ARSB: variants seen among roughly 807,000 people sequenced by gnomAD.
ARSB encodes the protein arylsulfatase B.
In ARSB, 41 loss-of-function variants were observed where a neutral mutation model predicts 50.9. The ratio of observed to expected loss-of-function variants is 0.81; its 90% CI spans 0.63 to 1.04. ARSB has a LOEUF of 1.04. Ranked by LOEUF, ARSB falls within the 50% of genes least tolerant of loss-of-function variation. The probability of loss-of-function intolerance (pLI) is 0.00; values close to 1 mark genes in which losing one functional copy is unlikely to be tolerated. For synonymous variants in ARSB, 269 were observed against 284.8 expected (o/e 0.94, Z 0.56); for missense variants, 672 against 693.3 (o/e 0.97, Z 0.35).
chr5:78,910,006 T>C (rs1749235834), intron 4 of ARSB, among the ~76,000 whole-genome samples: 1 of 152,224 alleles, frequency 6.6e-6, no homozygotes, highest in African/African-American at 2.4e-5. Context: ...TCCACTGAGA[T>C]GTTTGGGTGG....
chr5:78,815,883 G>A, intron 6 of ARSB: 1 of 1,418,682 alleles, frequency 7.0e-7, no homozygotes, highest in African/African-American at 1.5e-5. Flanking sequence ...GGTAGTTTAT[G>A]GTTGATCTAA....
intron 5 of ARSB, among the ~76,000 whole-genome samples, chr5:78,877,996 A>G (rs1490806192): frequency 6.6e-6 from 1 of 152,226 alleles, no homozygotes; most frequent in African/African-American, 2.4e-5. Flanking sequence ...ACATTGCATG[A>G]AATTGATGAA....
intron 6 of ARSB, among the ~76,000 whole-genome samples, chr5:78,799,310 C>T (rs528165951): frequency 2.2e-4 from 34 of 152,196 alleles, no homozygotes; most frequent in Non-Finnish European, 4.3e-4. Context: ...AACAGACAGA[C>T]ATTCTGAGAT....
intron 6 of ARSB, among the ~76,000 whole-genome samples, chr5:78,820,526 A>C (rs1020507064): frequency 3.9e-5 from 6 of 152,030 alleles, no homozygotes; most frequent in Non-Finnish European, 7.4e-5. Context: ...GCACCACTGC[A>C]CTCCAGCCTG....
At chr5:78,935,506 C>T (rs558493567) in intron 4 of ARSB, among the ~76,000 whole-genome samples, 1 of 152,194 alleles carries the variant, frequency 6.6e-6, no homozygotes, top group South Asian at 2.1e-4. Flanking sequence ...GGCAGGTGTG[C>T]CGCTGATGAG....
intron 6 of ARSB, among the ~76,000 whole-genome samples, chr5:78,832,627 C>T (rs913619067): frequency 9.9e-5 from 15 of 152,076 alleles, no homozygotes; most frequent in African/African-American, 3.6e-4. Context: ...ATGGATTTGG[C>T]AATTGCACCA....
chr5:78,971,509 T>C (rs1470071287), intron 1 of ARSB, among the ~76,000 whole-genome samples: 1 of 152,210 alleles, frequency 6.6e-6, no homozygotes, highest in Non-Finnish European at 1.5e-5. Flanking sequence ...ACAAATGATT[T>C]TTATAAGTGT....
Position 78,839,364 on chromosome 5 carries a change from G to A in ARSB, c.1205C>T (p.Ser402Phe). The change falls in exon 6 of 8, where the codon TCT becomes TTT. Residue 402 changes from serine (S) to phenylalanine (F), a missense_variant. Coordinates refer to ENST00000264914, the MANE Select transcript of ARSB (RefSeq NM_000046.5). Reference protein sequence around the residue: ...LHNIDPNFVDSSPCPRNSMAP... With the variant: ...LHNIDPNFVDFSPCPRNSMAP... ...AATGCACTGGTACTCACACGGTGAA[G>A]AGTCCACGAAGTTCGGGTCAATATT... 1 of 1,613,760 alleles carries A rather than the reference G, an allele frequency of 6.2e-7. No individual in the cohort carries two copies.
At chr5:78,827,705 T>C (rs1452119901) in intron 6 of ARSB, among the ~76,000 whole-genome samples, 3 of 152,230 alleles carry the variant, frequency 2.0e-5, no homozygotes, top group African/African-American at 7.2e-5. Flanking sequence ...ATTACATCTA[T>C]CAAGTCCTTT....
rs929695620 is a variant in ARSB, at chr5:78,810,689, C to T, written c.1213+28667G>A. On this transcript the variant is annotated intron_variant, in intron 6 of 7. Transcript: ENST00000264914. ...GGATGCATTTTAAGAAAATACAAGG[C>T]CCTCCAGCTGCAAACAGTAAGTGCC... Among the ~76,000 whole-genome samples the T allele has an allele frequency of 3.3e-5, 5 of 152,276 alleles. No individual in the cohort carries two copies. The East Asian group carries it at 9.7e-4, about 29-fold the overall frequency.
chr5:78,906,947 C>A (rs1193434526), intron 4 of ARSB, among the ~76,000 whole-genome samples: 1 of 152,144 alleles, frequency 6.6e-6, no homozygotes, highest in Admixed American at 6.5e-5. Flanking sequence ...ATTTGACACA[C>A]CTTAATTAAG....
chr5:78,917,959 A>C (rs1212511078), intron 4 of ARSB, among the ~76,000 whole-genome samples: 1 of 152,238 alleles, frequency 6.6e-6, no homozygotes, highest in African/African-American at 2.4e-5. Context: ...ACACAACTCA[A>C]ACAGTCACCA....
At chr5:78,975,998 T>C (rs1277908040) in intron 1 of ARSB, among the ~76,000 whole-genome samples, 1 of 152,242 alleles carries the variant, frequency 6.6e-6, no homozygotes, top group African/African-American at 2.4e-5. Flanking sequence ...TTGAACTAAA[T>C]GCAGTACACA....
At chr5:78,815,713 A>C (rs953632951) in intron 6 of ARSB, 1 of 1,071,618 alleles carries the variant, frequency 9.3e-7, no homozygotes, top group Non-Finnish European at 1.1e-6. Flanking sequence ...CTGTAAGACA[A>C]GTATAAAGGG....
At chr5:78,912,754 T>C (rs920172621) in intron 4 of ARSB, among the ~76,000 whole-genome samples, 1 of 152,208 alleles carries the variant, frequency 6.6e-6, no homozygotes, top group Admixed American at 6.5e-5. Flanking sequence ...TTCTCCCCCA[T>C]GTGACCAACG....
intron 5 of ARSB, among the ~76,000 whole-genome samples, chr5:78,862,685 T>C (rs1158901414): frequency 6.6e-6 from 1 of 152,172 alleles, no homozygotes; most frequent in Admixed American, 6.5e-5. Context: ...ATTCAGGACA[T>C]AGGCATGGGC....
intron 4 of ARSB, among the ~76,000 whole-genome samples, chr5:78,907,118 G>A (rs1299475269): frequency 2.6e-5 from 4 of 152,142 alleles, no homozygotes; most frequent in Non-Finnish European, 5.9e-5. Flanking sequence ...AGGAAACAAG[G>A]TAAAAACTGG....
intron 5 of ARSB, among the ~76,000 whole-genome samples, chr5:78,871,949 T>G (rs1243714605): frequency 8.6e-5 from 13 of 150,968 alleles, no homozygotes; most frequent in Non-Finnish European, 1.6e-4. Context: ...GAATCTACAA[T>G]GAACTCAAAC....
chr5:78,793,893 AT>A (rs1040345403), intron 6 of ARSB, among the ~76,000 whole-genome samples: 29 of 150,064 alleles, frequency 1.9e-4, no homozygotes, highest in East Asian at 3.9e-4. Context: ...AATTTTTATT[AT>A]TTTTTTTTTG....
Sources: gnomAD v4.1 joint callset for allele counts (sites outside exome capture counted in the v4.1 genomes callset) on GRCh38, gnomAD v4.1.1 for gene constraint, MANE v1.5 for transcripts, NCBI Gene and HGNC (gene_info 2026-07-23, HGNC 2026-07-21) for gene names.